RELN: variants seen among roughly 807,000 people sequenced by gnomAD.
RELN encodes reelin.
In RELN, 108 loss-of-function variants were observed where a neutral mutation model predicts 427.6. That is an observed-to-expected ratio of 0.25 (90% CI 0.22 to 0.30). The LOEUF (loss-of-function observed/expected upper bound fraction) is 0.30, where lower values mean the gene tolerates loss of function less well. RELN is among the 10% of genes least tolerant of loss of function. The pLI is 1.00. For synonymous variants in RELN, 1,524 were observed against 1,513.4 expected, an observed-to-expected ratio of 1.01 and a Z score of -0.16; for missense variants, 3,715 against 4,302.8, an observed-to-expected ratio of 0.86 and a Z score of 3.82.
intron 38 of RELN, among the ~76,000 whole-genome samples, chr7:103,556,429 GTATA>G (rs3056317): frequency 1.9e-4 from 29 of 149,098 alleles, no homozygotes; most frequent in African/African-American, 4.4e-4. Context: ...ATATATACGT[GTATA>G]TATATATATA....
intron 17 of RELN, among the ~76,000 whole-genome samples, chr7:103,639,353 C>T (rs2117359056): frequency 6.6e-6 from 1 of 151,508 alleles, no homozygotes; most frequent in South Asian, 2.1e-4. Flanking sequence ...ATCTCAATGT[C>T]AACAAGCGCT....
At chr7:103,490,592 T>C (rs1828616933) in intron 59 of RELN, 76 bp downstream of exon 59, 2 of 1,476,006 alleles carry the variant, frequency 1.4e-6, no homozygotes, top group South Asian at 2.3e-5. Flanking sequence ...ACACTGTCAG[T>C]TGTTTTCAGC....
intron 2 of RELN, among the ~76,000 whole-genome samples, chr7:103,878,093 G>A (rs1358060814): frequency 6.6e-6 from 1 of 152,078 alleles, no homozygotes; most frequent in Non-Finnish European, 1.5e-5. Context: ...CTGGCCTCAG[G>A]TGATCTGCCC....
intron 20 of RELN, among the ~76,000 whole-genome samples, chr7:103,618,032 C>G (rs186900749): frequency 1.2e-3 from 179 of 152,256 alleles, no homozygotes; most frequent in Non-Finnish European, 2.2e-3. Flanking sequence ...CGGCACTGTA[C>G]TTCTTGTACA....
chr7:103,667,130 A>G (rs941172849), intron 11 of RELN, among the ~76,000 whole-genome samples: 1 of 152,176 alleles, frequency 6.6e-6, no homozygotes, highest in African/African-American at 2.4e-5. Context: ...CAACATTTCT[A>G]TGGATTTGCA....
chr7:103,767,316 CT>C (rs902292455), intron 4 of RELN, among the ~76,000 whole-genome samples: 2 of 152,104 alleles, frequency 1.3e-5, no homozygotes, highest in Non-Finnish European at 2.9e-5. Flanking sequence ...AATGTTTGAT[CT>C]TTTTTTAACT....
chr7:103,500,119 T>TAATG (rs1041907610), intron 53 of RELN, among the ~76,000 whole-genome samples: 1 of 152,226 alleles, frequency 6.6e-6, no homozygotes, highest in African/African-American at 2.4e-5. Flanking sequence ...TCTGTTATTG[T>TAATG]AATGACAAAT....
chr7:103,606,247 A>G lies in RELN; in HGVS notation c.3009-1764T>C, dbSNP rs141218053. Among the ~76,000 whole-genome samples, 291 of 152,328 alleles carry G rather than the reference A, an allele frequency of 1.9e-3. 2 individuals carry two copies. Among genetic ancestry groups the G allele is most frequent in the African/African-American group, 6.7e-3 (280 of 41,576 alleles). On this transcript the variant is annotated intron_variant, in intron 22 of 64. Coordinates refer to ENST00000428762, the MANE Select transcript of RELN (RefSeq NM_005045.4). ...GGATAGGGATATCTTTAGTCTCCAT[A>G]GTTTGCACAGGAACAGAATAAAGTA...
At chr7:103,483,511 G>T in intron 62 of RELN, 142 bp downstream of exon 62, 1 of 852,118 alleles carries the variant, frequency 1.2e-6, no homozygotes, top group Non-Finnish European at 2.0e-6. Context: ...TGGAGATCTG[G>T]GTTAGTCTTC....
chr7:103,968,777 A>G lies in RELN; in HGVS notation c.226+20354T>C, dbSNP rs567582231. On this transcript the variant is annotated intron_variant, in intron 1 of 64. Transcript: ENST00000428762. The surrounding 1 kb of genome is among the most constrained non-coding windows in gnomAD (Gnocchi z 4.3). ...CATCCAAAAATGCTAAAGGATGTCA[A>G]ATTTACCATTGACATTCTGCCTAAC... 6.6e-6 allele frequency among the ~76,000 whole-genome samples: 1 copy of G among 152,206 alleles called. No homozygotes were observed. The highest frequency in any genetic ancestry group is 1.5e-5 in the Non-Finnish European group (1 of 68,032).
Position 103,565,511 on chromosome 7 carries a change from T to C in RELN, c.4977A>G (p.Ser1659=), listed in dbSNP as rs766447756. The C allele has an allele frequency of 1.9e-6, 3 of 1,613,500 alleles. No individual in the cohort carries two copies. Among genetic ancestry groups the C allele is most frequent in the South Asian group, 1.1e-5 (1 of 91,054 alleles). ...RYAETWDFHV[S]ASTFLQFEMS... is the part of the protein sequence containing the mutation. ...TTTCAAACTGCAAAAAGGTAGATGCTGACACATGAAAATCCCAGGTCTCAG... is the reference window on the plus strand; with the variant it reads ...TTTCAAACTGCAAAAAGGTAGATGCCGACACATGAAAATCCCAGGTCTCAG... The change falls in exon 34 of 65, where the codon TCA becomes TCG. Residue 1659 remains serine (S), a synonymous_variant. Coordinates refer to ENST00000428762, the MANE Select transcript of RELN (RefSeq NM_005045.4).
intron 19 of RELN, among the ~76,000 whole-genome samples, chr7:103,631,283 C>CGTCTT (rs1832459224): frequency 1.3e-5 from 1 of 77,716 alleles, no homozygotes; most frequent in Non-Finnish European, 2.6e-5. Context: ...TTTAAAAACA[C>CGTCTT]TTCTTTTTTT....
At chr7:103,862,483 C>G (rs1198650452) in intron 2 of RELN, among the ~76,000 whole-genome samples, 1 of 149,488 alleles carries the variant, frequency 6.7e-6, no homozygotes, top group African/African-American at 2.5e-5. Flanking sequence ...AATCTTTCTC[C>G]CTCTCTGGCT....
At chr7:103,942,916 A>AAC (rs1389661717) in intron 1 of RELN, among the ~76,000 whole-genome samples, 1 of 151,928 alleles carries the variant, frequency 6.6e-6, no homozygotes, top group African/African-American at 2.4e-5. Flanking sequence ...CATCTCAGAA[A>AAC]AAAAAAAAAT....
chr7:103,692,316 C>G (rs1161335620), intron 10 of RELN, among the ~76,000 whole-genome samples: 2 of 152,066 alleles, frequency 1.3e-5, no homozygotes, highest in African/African-American at 4.8e-5. Flanking sequence ...TGAGCCCCAG[C>G]TTTGGTGAAG....
chr7:103,844,630 A>C (rs1793631876), intron 2 of RELN, among the ~76,000 whole-genome samples: 1 of 152,158 alleles, frequency 6.6e-6, no homozygotes, highest in African/African-American at 2.4e-5. Flanking sequence ...CAGCCCTGTC[A>C]ATTTTTAGTG....
At chr7:103,552,082 C>G (rs1830425424) in intron 40 of RELN, among the ~76,000 whole-genome samples, 1 of 152,090 alleles carries the variant, frequency 6.6e-6, no homozygotes, top group Admixed American at 6.6e-5. Context: ...AAGCTTGTCT[C>G]CTCTCACCTA....
intron 46 of RELN, among the ~76,000 whole-genome samples, chr7:103,534,894 A>G (rs1019876088): frequency 6.6e-6 from 1 of 152,212 alleles, no homozygotes; most frequent in Non-Finnish European, 1.5e-5. Context: ...TATTTGCTAC[A>G]TTCATTTATA....
intron 41 of RELN, among the ~76,000 whole-genome samples, chr7:103,548,512 C>T (rs1004839899): frequency 7.2e-5 from 11 of 152,178 alleles, no homozygotes; most frequent in African/African-American, 2.7e-4. Context: ...CTAGACAACA[C>T]CCTTAAGGCA....
Sources: gnomAD v4.1 joint callset for allele counts (sites outside exome capture counted in the v4.1 genomes callset) on GRCh38, gnomAD v4.1.1 for gene constraint, Gnocchi (gnomAD v3.1) non-coding constraint, MANE v1.5 for transcripts, NCBI Gene and HGNC (gene_info 2026-07-23, HGNC 2026-07-21) for gene names.